ZC3HAV1: variants seen among roughly 807,000 people sequenced by gnomAD.
ZC3HAV1 encodes the protein zinc finger CCCH-type antiviral protein 1.
A neutral mutation model predicts 86.6 loss-of-function variants in ZC3HAV1; 41 were observed. The ratio of observed to expected loss-of-function variants is 0.47; its 90% CI spans 0.37 to 0.61. The LOEUF (loss-of-function observed/expected upper bound fraction) is 0.61, where lower values mean the gene tolerates loss of function less well. ZC3HAV1 is among the 20% of genes least tolerant of loss of function. ZC3HAV1 has a pLI of 0.00. For synonymous variants in ZC3HAV1, 421 were observed against 432.1 expected (o/e 0.97, Z 0.32); for missense variants, 964 against 1,141.1 (o/e 0.84, Z 2.24).
chr7:139,055,170 A>C, intron 10 of ZC3HAV1, 35 bp downstream of exon 10: 2 of 1,567,754 alleles, frequency 1.3e-6, no homozygotes. Context: ...CTAACTTTTA[A>C]CAGACTCATC....
intron 1 of ZC3HAV1, among the ~76,000 whole-genome samples, chr7:139,103,225 T>C (rs1817829097): frequency 6.7e-6 from 1 of 149,808 alleles, no homozygotes; most frequent in South Asian, 2.1e-4. Context: ...TATATAATTA[T>C]TTTTATTTTT....
chr7:139,057,570 C>G lies in ZC3HAV1; in HGVS notation c.2097-2275G>C, dbSNP rs1257038363. ...TTTTTTTTTTTTGAGACGGAGTCTC[C>G]CTCTGTTGCCCAGGCTGGAGTGCAG... On this transcript the variant is annotated intron_variant, in intron 9 of 12. Coordinates refer to ENST00000242351, the MANE Select transcript of ZC3HAV1 (RefSeq NM_020119.4). 5.9e-4 allele frequency among the ~76,000 whole-genome samples: 12 copies of G among 20,174 alleles called. 2 individuals are homozygous for G. Among genetic ancestry groups the G allele is most frequent in the Non-Finnish European group, 9.7e-4 (11 of 11,362 alleles). 13.2% of individuals were successfully genotyped at this position (20,174 alleles called of 152,430 possible).
chr7:139,103,385 G>C (rs1817835932), intron 1 of ZC3HAV1, among the ~76,000 whole-genome samples: 1 of 151,448 alleles, frequency 6.6e-6, no homozygotes, highest in Admixed American at 6.6e-5. Context: ...ACACCCATGA[G>C]CCACTGCACC....
intron 5 of ZC3HAV1, among the ~76,000 whole-genome samples, chr7:139,078,082 T>C (rs1209739413): frequency 6.6e-6 from 1 of 152,050 alleles, no homozygotes; most frequent in Non-Finnish European, 1.5e-5. Context: ...CTACTAAAAA[T>C]ACAAAAATTA....
chr7:139,047,946 TA>T, intron 12 of ZC3HAV1, 93 bp from the exon 13 acceptor site: 1 of 1,291,208 alleles, frequency 7.7e-7, no homozygotes. Flanking sequence ...GGGTGTGGAC[TA>T]AGCATATGTC....
In ZC3HAV1 at chr7:139,061,969, A is replaced by G. The variant is rs191082062; in HGVS notation, c.1994-831T>C. ...TTCCAGAGTGAAAGAAGTCAGCCACATGCAATGTGCCTACTGCAAGCGTTT... is the reference window on the plus strand; with the variant it reads ...TTCCAGAGTGAAAGAAGTCAGCCACGTGCAATGTGCCTACTGCAAGCGTTT... On this transcript the variant is annotated intron_variant, in intron 8 of 12. Transcript: ENST00000242351. 2.2e-3 allele frequency among the ~76,000 whole-genome samples: 338 copies of G among 152,376 alleles called. 1 individual carries two copies. The highest frequency in any genetic ancestry group is 6.8e-3 in the Middle Eastern group (2 of 294).
intron 5 of ZC3HAV1, among the ~76,000 whole-genome samples, chr7:139,077,735 T>C (rs543155455): frequency 6.6e-6 from 1 of 152,230 alleles, no homozygotes; most frequent in Non-Finnish European, 1.5e-5. Context: ...AAGATAGTTC[T>C]GTTTTTCAAA....
chr7:139,064,304 G>A (rs919876298), intron 8 of ZC3HAV1, among the ~76,000 whole-genome samples: 9 of 152,224 alleles, frequency 5.9e-5, no homozygotes, highest in Non-Finnish European at 1.3e-4. Context: ...TTCAGAAGGA[G>A]GGCAGTTCCT....
At chr7:139,073,423 C>T (rs1224820669) in intron 7 of ZC3HAV1, among the ~76,000 whole-genome samples, 1 of 152,036 alleles carries the variant, frequency 6.6e-6, no homozygotes, top group Non-Finnish European at 1.5e-5. Flanking sequence ...AATACCACTT[C>T]CTCTACCACA....
In ZC3HAV1 at chr7:139,090,780, C is replaced by T. The variant is rs147690240; in HGVS notation, c.309-1021G>A. ...ATTTTTAAAAGTCACTTATTCAATG[C>T]TATTATTTGTGTGTAAATCATGTCT... On this transcript the variant is annotated intron_variant, in intron 1 of 12. Transcript: ENST00000242351. Among the ~76,000 whole-genome samples the T allele has an allele frequency of 2.9e-4, 44 of 152,266 alleles. No individual in the cohort carries two copies. In the East Asian group the frequency reaches 5.6e-3, roughly 19 times the overall value.
intron 9 of ZC3HAV1, among the ~76,000 whole-genome samples, chr7:139,057,532 ATT>A (rs765288792): frequency 6.7e-4 from 38 of 56,904 alleles, no homozygotes; most frequent in African/African-American, 3.2e-3. Flanking sequence ...AAACAATTAC[ATT>A]TTTTTTTTTT....
chr7:139,067,602 A>G (rs1057272085), intron 7 of ZC3HAV1, among the ~76,000 whole-genome samples: 1 of 152,164 alleles, frequency 6.6e-6, no homozygotes, highest in Non-Finnish European at 1.5e-5. Context: ...AAATTACTTA[A>G]TGGGTACAAT....
At chr7:139,101,175 T>C (rs1002996583) in intron 1 of ZC3HAV1, among the ~76,000 whole-genome samples, 23 of 152,138 alleles carry the variant, frequency 1.5e-4, no homozygotes, top group African/African-American at 2.9e-4. Flanking sequence ...AGTGCAGTGG[T>C]GTGATCTCGG....
chr7:139,108,507 C>T lies in ZC3HAV1; in HGVS notation c.308+517G>A, dbSNP rs993398131. On this transcript the variant is annotated intron_variant, in intron 1 of 12. Coordinates refer to ENST00000242351, the MANE Select transcript of ZC3HAV1 (RefSeq NM_020119.4). The surrounding 1 kb of genome is among the most constrained non-coding windows in gnomAD (Gnocchi z 4.2). The stretch of plus-strand genomic sequence containing the variant: ...GCGGTGATGAGGGGCATGGGGGTGA[C>T]CGGGAAGGGAGGGACAAGCAGAGAG... 1.3e-5 allele frequency among the ~76,000 whole-genome samples: 2 copies of T among 151,996 alleles called. No individual in the cohort carries two copies. The highest frequency in any genetic ancestry group is 2.9e-5 in the Non-Finnish European group (2 of 67,992).
chr7:139,053,764 C>A (rs1816204859), intron 11 of ZC3HAV1, among the ~76,000 whole-genome samples, 183 bp from the exon 12 acceptor site: 1 of 143,160 alleles, frequency 7.0e-6, no homozygotes, highest in Admixed American at 7.2e-5. Flanking sequence ...AAAAGATAGA[C>A]ACATGAAATC....
chr7:139,047,718 G>T lies in ZC3HAV1; in HGVS notation c.2585C>A (p.Pro862Gln). Residue 862 changes from proline to glutamine, a missense_variant, in exon 13 of 13, where the codon CCA becomes CAA. Coordinates refer to ENST00000242351, the MANE Select transcript of ZC3HAV1 (RefSeq NM_020119.4). The stretch of plus-strand genomic sequence containing the variant: ...GGTATCCACACAGCTGTCGAACTGT[G>T]GAGGAGGGCTCGTGTACGTTATATT... ...EGNITYTSPP[P>Q]QFDSCVDTRS... 6.2e-7 allele frequency: 1 copy of T among 1,614,148 alleles called. No individual in the cohort carries two copies. Among genetic ancestry groups the T allele is most frequent in the Non-Finnish European group, 8.5e-7 (1 of 1,180,022 alleles).
chr7:139,063,686 C>T (rs79517923), intron 8 of ZC3HAV1, among the ~76,000 whole-genome samples: 2,498 of 147,896 alleles, frequency 0.017, 67 homozygotes, highest in East Asian at 0.13. Context: ...ATGGCATCAC[C>T]GCACTCTAGC....
At chr7:139,101,602 C>A (rs759597972) in intron 1 of ZC3HAV1, among the ~76,000 whole-genome samples, 1 of 146,936 alleles carries the variant, frequency 6.8e-6, no homozygotes, top group South Asian at 2.2e-4. Flanking sequence ...ATAGAGAAAT[C>A]GGATTGTTAC....
chr7:139,086,963 T>C (rs1323907108), intron 2 of ZC3HAV1, among the ~76,000 whole-genome samples: 1 of 152,230 alleles, frequency 6.6e-6, no homozygotes, highest in Non-Finnish European at 1.5e-5. Context: ...TATGTCTTCA[T>C]ACTGCATGAA....
Sources: allele counts gnomAD v4.1 joint callset (sites outside exome capture counted in the v4.1 genomes callset), GRCh38; gene constraint gnomAD v4.1.1; non-coding constraint Gnocchi (gnomAD v3.1); transcripts MANE v1.5; gene names NCBI Gene and HGNC (gene_info 2026-07-23, HGNC 2026-07-21).